CFAP61: variants seen among roughly 807,000 people sequenced by gnomAD.
CFAP61 encodes the protein cilia and flagella associated protein 61, also known as cilia- and flagella-associated protein 61.
Under a neutral mutation model 135.6 loss-of-function variants are expected in CFAP61, and 107 were observed. That is an observed-to-expected ratio of 0.79 (90% CI 0.67 to 0.93). The LOEUF (loss-of-function observed/expected upper bound fraction) is 0.93. CFAP61 is among the 40% of genes least tolerant of loss of function. The pLI is 0.00. For synonymous variants in CFAP61, 575 were observed against 578.5 expected (o/e 0.99, Z 0.09); for missense variants, 1,507 against 1,556.2 (o/e 0.97, Z 0.53).
chr20:20,128,362 C>T lies in CFAP61; in HGVS notation c.860-14495C>T, dbSNP rs182940575. 1.1e-4 allele frequency among the ~76,000 whole-genome samples: 16 copies of T among 151,870 alleles called. No individual in the cohort carries two copies. In the East Asian group the frequency reaches 3.1e-3, roughly 29 times the overall value. ...CCCAGCGAGTTCCCAGGGCCTTTCC[C>T]ACTGCTTCCTCTACCCCTATATTTC... On this transcript the variant is annotated intron_variant, in intron 8 of 26. Coordinates refer to ENST00000245957, the MANE Select transcript of CFAP61 (RefSeq NM_015585.4).
intron 19 of CFAP61, among the ~76,000 whole-genome samples, chr20:20,250,547 G>C (rs985852580): frequency 1.3e-5 from 2 of 152,176 alleles, no homozygotes; most frequent in African/African-American, 4.8e-5. Context: ...TCAGGAGTTT[G>C]AGACCAGCTT....
chr20:20,186,033 A>G (rs1246517336), intron 13 of CFAP61, among the ~76,000 whole-genome samples: 2 of 152,218 alleles, frequency 1.3e-5, no homozygotes, highest in Non-Finnish European at 2.9e-5. Flanking sequence ...TGTAATTCAC[A>G]TGCCATACAA....
intron 25 of CFAP61, among the ~76,000 whole-genome samples, chr20:20,302,852 GATTTTT>G (rs1224226785): frequency 3.3e-5 from 5 of 152,064 alleles, no homozygotes; most frequent in African/African-American, 1.2e-4. Flanking sequence ...ACCATGAATG[GATTTTT>G]ATTTTTATTT....
intron 20 of CFAP61, among the ~76,000 whole-genome samples, chr20:20,252,050 A>G (rs1265493425): frequency 1.3e-5 from 2 of 152,256 alleles, no homozygotes; most frequent in Non-Finnish European, 1.5e-5. Context: ...AGTCTAACAC[A>G]TACTGCTCGC....
chr20:20,098,607 C>A (rs1174564311), intron 7 of CFAP61, 48 bp from the exon 8 acceptor site: 691 of 1,192,890 alleles, frequency 5.8e-4, no homozygotes, highest in African/African-American at 3.2e-3. Flanking sequence ...GACTTTGTCT[C>A]AAAAAAAAAA....
chr20:20,091,889 G>A (rs1376734971), intron 7 of CFAP61, among the ~76,000 whole-genome samples: 1 of 152,120 alleles, frequency 6.6e-6, no homozygotes, highest in Non-Finnish European at 1.5e-5. Context: ...TGTTGGCCAG[G>A]CTGACCTGAG....
At chr20:20,121,103 CT>C (rs869290856) in intron 8 of CFAP61, among the ~76,000 whole-genome samples, 1,542 of 113,556 alleles carry the variant, frequency 0.014, 2 homozygotes, top group Middle Eastern at 0.031. Flanking sequence ...TTTATTTTTA[CT>C]TTTTTTTTTT....
chr20:20,341,490 G>C (rs2122374623), intron 25 of CFAP61, among the ~76,000 whole-genome samples: 1 of 152,314 alleles, frequency 6.6e-6, no homozygotes, highest in Admixed American at 6.5e-5. Flanking sequence ...TTATGCAGCA[G>C]TTAATCTTGC....
At chr20:20,131,059 G>C (rs1451123904) in intron 8 of CFAP61, among the ~76,000 whole-genome samples, 1 of 151,742 alleles carries the variant, frequency 6.6e-6, no homozygotes, top group Non-Finnish European at 1.5e-5. Flanking sequence ...CCATACACTT[G>C]TACTGGGCAG....
chr20:20,140,128 A>AT (rs3060428), intron 8 of CFAP61, among the ~76,000 whole-genome samples: 45,300 of 96,228 alleles, frequency 0.47, 11,561 homozygotes, highest in African/African-American at 0.5. Flanking sequence ...GGTGCTGGAA[A>AT]TTTTTTTTTT....
chr20:20,256,728 G>A (rs1359945842), intron 20 of CFAP61, among the ~76,000 whole-genome samples: 1 of 152,108 alleles, frequency 6.6e-6, no homozygotes, highest in East Asian at 1.9e-4. Flanking sequence ...GAAATAATTG[G>A]TTTTCCTGAA....
At chr20:20,156,149 C>T (rs1026726880) in intron 9 of CFAP61, among the ~76,000 whole-genome samples, 44 of 151,938 alleles carry the variant, frequency 2.9e-4, no homozygotes, top group African/African-American at 1.0e-3. Context: ...ACTGTTCTCC[C>T]AAAAATATTG....
chr20:20,241,598 A>G (rs1196158431), intron 18 of CFAP61, among the ~76,000 whole-genome samples: 1 of 152,194 alleles, frequency 6.6e-6, no homozygotes, highest in Non-Finnish European at 1.5e-5. Context: ...TCGATAATTC[A>G]AATGATTCAA....
rs570617316 is a variant in CFAP61 at position 20,104,395 on chromosome 20, C to G, written c.859+5581C>G. Among the ~76,000 whole-genome samples, 16 of 152,270 alleles carry G rather than the reference C, an allele frequency of 1.1e-4. No homozygotes were observed. In the South Asian group the frequency reaches 3.1e-3, roughly 30 times the overall value. Reference sequence around the variant, plus strand: ...GTTAGGAAACACCTAGACCCACTCTCCCTGTGTCGGAGCTAAAAAACAATG... The same window carrying G: ...GTTAGGAAACACCTAGACCCACTCTGCCTGTGTCGGAGCTAAAAAACAATG... On this transcript the variant is annotated intron_variant, in intron 8 of 26. Coordinates refer to ENST00000245957, the MANE Select transcript of CFAP61 (RefSeq NM_015585.4).
In CFAP61 at chr20:20,175,811, G is replaced by A. The variant is rs750693779; in HGVS notation, c.1385+6351G>A. 6.6e-5 allele frequency among the ~76,000 whole-genome samples: 10 copies of A among 152,030 alleles called. No homozygotes were observed. In the South Asian group the frequency reaches 8.3e-4, roughly 13 times the overall value. ...CTCCCAAAATGCTGGGATTACAGGC[G>A]TGAGCCACTGCGCCTGGCTGGGGCT... On this transcript the variant is annotated intron_variant, in intron 13 of 26. Coordinates refer to ENST00000245957, the MANE Select transcript of CFAP61 (RefSeq NM_015585.4).
intron 21 of CFAP61, among the ~76,000 whole-genome samples, chr20:20,272,770 G>C (rs1270735880): frequency 6.6e-6 from 1 of 152,166 alleles, no homozygotes; most frequent in Non-Finnish European, 1.5e-5. Flanking sequence ...GGCACCTACT[G>C]TTTGACTGTG....
chr20:20,253,679 T>C (rs987062550), intron 20 of CFAP61: 8 of 415,986 alleles, frequency 1.9e-5, no homozygotes, highest in African/African-American at 1.0e-4. Context: ...GTCAGAATGG[T>C]ACACACTGTC....
chr20:20,321,344 A>T (rs2122250443), intron 25 of CFAP61, among the ~76,000 whole-genome samples: 1 of 152,348 alleles, frequency 6.6e-6, no homozygotes, highest in South Asian at 2.1e-4. Context: ...TGAGTCGTTA[A>T]CTGTTGAAAC....
At chr20:20,132,336 G>A (rs1028480355) in intron 8 of CFAP61, among the ~76,000 whole-genome samples, 4 of 151,626 alleles carry the variant, frequency 2.6e-5, no homozygotes, top group East Asian at 1.9e-4. Flanking sequence ...GGATATCCTC[G>A]TTTTTTGTTT....
Sources: gnomAD v4.1 joint callset for allele counts (sites outside exome capture counted in the v4.1 genomes callset) on GRCh38, gnomAD v4.1.1 for gene constraint, MANE v1.5 for transcripts, NCBI Gene and HGNC (gene_info 2026-07-23, HGNC 2026-07-21) for gene names.